Variants in NCKAP1 observed in about 807,000 individuals in gnomAD.
The protein encoded by NCKAP1 is nck-associated protein 1.
In NCKAP1, 21 loss-of-function variants were observed where a neutral mutation model predicts 151.2. That is an observed-to-expected ratio of 0.14 (90% CI 0.10 to 0.20). NCKAP1 has a LOEUF of 0.20. Ranked by LOEUF, NCKAP1 falls within the 10% of genes least tolerant of loss-of-function variation. The probability of loss-of-function intolerance (pLI) is 1.00; values close to 1 mark genes in which losing one functional copy is unlikely to be tolerated. For missense variants in NCKAP1, 933 were observed against 1,352.1 expected, an observed-to-expected ratio of 0.69 and a Z score of 4.86; for synonymous variants, 484 against 451.8, an observed-to-expected ratio of 1.07 and a Z score of -0.90.
In NCKAP1 at chr2:182,918,363, T is replaced by A. The variant is rs924398422; in HGVS notation, c.*7339A>T. ...GGTATCTACCCAAAGGAAGTCAATA[T>A]ATCAAAAAAAATCTGCATGTGTATA... On this transcript the variant is annotated 3_prime_UTR_variant, in exon 31 of 31. Coordinates refer to ENST00000361354, the MANE Select transcript of NCKAP1 (RefSeq NM_013436.5). 1 of 152,020 alleles carries A rather than the reference T, an allele frequency of 6.6e-6. No individual in the cohort carries two copies. The highest frequency in any genetic ancestry group is 1.5e-5 in the Non-Finnish European group (1 of 67,986). The allele number at this position is 152,020 out of a possible 1,614,324, so 9.4% of individuals were successfully genotyped here.
At chr2:182,956,429 C>T in intron 20 of NCKAP1, 33 bp downstream of exon 20, 3 of 1,594,412 alleles carry the variant, frequency 1.9e-6, no homozygotes, top group Non-Finnish European at 2.6e-6. Flanking sequence ...ATTACTGAGT[C>T]AACAAACAAA....
At position 182,953,124 on chromosome 2, in the gene NCKAP1, T is replaced by A. The variant is rs141353544; in HGVS notation, c.2361A>T (p.Leu787=). The A allele has an allele frequency of 9.3e-5, 150 of 1,608,726 alleles. No homozygotes were observed. The African/African-American group carries it at 1.8e-3, about 19-fold the overall frequency. ...AATGCATTCCTTACCAATTTGTGTATAGACTTGTAATGGTTGGCTCTCCAT... is the reference window on the plus strand; with the variant it reads ...AATGCATTCCTTACCAATTTGTGTAAAGACTTGTAATGGTTGGCTCTCCAT... The part of the protein sequence containing the change: ...DSHGEPTITS[L]YTNWYLETLL... The change falls in exon 21 of 31, where the codon CTA becomes CTT. Residue 787 remains leucine (L), a synonymous_variant. Transcript: ENST00000361354.
At chr2:182,950,309 AT>A (rs1377336696) in intron 23 of NCKAP1, among the ~76,000 whole-genome samples, 6 of 152,232 alleles carry the variant, frequency 3.9e-5, no homozygotes, top group Non-Finnish European at 2.9e-5. Context: ...AAAGCAAAAA[AT>A]AATACAGATA....
At chr2:182,940,018 T>C (rs1487923506) in intron 24 of NCKAP1, among the ~76,000 whole-genome samples, 2 of 152,210 alleles carry the variant, frequency 1.3e-5, no homozygotes, top group East Asian at 3.8e-4. Flanking sequence ...CGACTATGAA[T>C]TTTATTTTGA....
intron 18 of NCKAP1, among the ~76,000 whole-genome samples, chr2:182,958,262 C>T (rs927404037): frequency 6.6e-5 from 10 of 152,164 alleles, no homozygotes; most frequent in Non-Finnish European, 1.5e-4. Context: ...CCTCAGCCTC[C>T]TGAGCTGCTG....
In NCKAP1 at chr2:182,983,219, T is replaced by C; in HGVS notation, c.1101+67A>G. 4.7e-6 allele frequency: 6 copies of C among 1,284,456 alleles called. No individual in the cohort carries two copies. The East Asian group carries it at 1.4e-4, about 31-fold the overall frequency. The allele number at this position is 1,284,456 out of a possible 1,614,324, so 79.6% of individuals were successfully genotyped here. On this transcript the variant is annotated intron_variant, in intron 11 of 30. Transcript: ENST00000361354. ...CCCTGACTCAAATTTCAGTAAAATT[T>C]CACTTAGAAACGTTTTTTAAAATTT...
At chr2:182,984,566 T>TGTGTGTGTGTGTGTGTGTGTGTGTG (rs1324069144) in intron 10 of NCKAP1, among the ~76,000 whole-genome samples, 2 of 151,566 alleles carry the variant, frequency 1.3e-5, no homozygotes, top group Non-Finnish European at 1.5e-5. Context: ...CTACATGACC[T>TGTGTGTGTGTGTGTGTGTGTGTGTG]TAGGTTCCAA....
rs1246876801 is a variant in NCKAP1, at chr2:182,956,505, G to C, written c.2110C>G (p.Pro704Ala). The change falls in exon 20 of 31, where the codon CCA becomes GCA. Residue 704 changes from proline to alanine, a missense_variant. Physicochemically the swap from Pro to Ala is conservative, Grantham distance 27. This residue lies in a region of NCKAP1 where 326 missense variants were observed against 557.1 expected (regional missense o/e 0.59). Transcript: ENST00000361354. ...NMVVWEHTFT[P>A]REYLTSHLEI... ...AGATGAGAAGTCAAATATTCTCGTG[G>C]GGTAAAGGTATGTTCCCATACCACC... The C allele has an allele frequency of 6.2e-7, 1 of 1,611,146 alleles. No individual in the cohort carries two copies. Among genetic ancestry groups the C allele is most frequent in the Non-Finnish European group, 8.5e-7 (1 of 1,178,520 alleles).
At chr2:183,029,207 A>G (rs971075375) in intron 1 of NCKAP1, among the ~76,000 whole-genome samples, 1 of 152,212 alleles carries the variant, frequency 6.6e-6, no homozygotes, top group African/African-American at 2.4e-5. Flanking sequence ...ATCAGTAAAA[A>G]TGAAGGACAA....
At chr2:182,984,426 GT>G (rs1698008339) in intron 10 of NCKAP1, among the ~76,000 whole-genome samples, 573 of 4,844 alleles carry the variant, frequency 0.12, 3 homozygotes, top group African/African-American at 0.15. Context: ...AGATTGGGGT[GT>G]GTGTGTGTGT....
Position 182,913,819 on chromosome 2 carries a change from TC to T in NCKAP1, c.*11882del, listed in dbSNP as rs1272464572. On this transcript the variant is annotated 3_prime_UTR_variant, in exon 31 of 31. Coordinates refer to ENST00000361354, the MANE Select transcript of NCKAP1 (RefSeq NM_013436.5). ...GCTTCTCTGTCTGCATCTGCCTCAT[TC>T]TTTTTTCCTGATCAGCACTCTGATG... 1.3e-5 allele frequency: 2 copies of T among 152,340 alleles called. No homozygotes were observed. The highest frequency in any genetic ancestry group is 4.8e-5 in the African/African-American group (2 of 41,440). 9.4% of individuals were successfully genotyped at this position (152,340 alleles called of 1,614,324 possible). A position where few individuals can be genotyped will look rare whatever the true frequency, so the allele number is the denominator to read the frequency against.
At chr2:182,937,330 T>C (rs1487259053) in intron 24 of NCKAP1, among the ~76,000 whole-genome samples, 1 of 152,054 alleles carries the variant, frequency 6.6e-6, no homozygotes, top group African/African-American at 2.4e-5. Context: ...GCTTAATGTA[T>C]TGTGTAATGG....
chr2:182,934,601 C>T, intron 26 of NCKAP1, 151 bp downstream of exon 26: 2 of 542,544 alleles, frequency 3.7e-6, no homozygotes, highest in Non-Finnish European at 6.5e-6. Context: ...GCTGAGCTCT[C>T]AAAGATTCAA....
rs1271261011 is a variant in NCKAP1 at position 182,917,034 on chromosome 2, A to G, written c.*8668T>C. 6.6e-6 allele frequency: 1 copy of G among 152,212 alleles called. No individual in the cohort carries two copies. The highest frequency in any genetic ancestry group is 1.5e-5 in the Non-Finnish European group (1 of 68,036). The allele number at this position is 152,212 out of a possible 1,614,324, so 9.4% of individuals were successfully genotyped here. On this transcript the variant is annotated 3_prime_UTR_variant, in exon 31 of 31. Coordinates refer to ENST00000361354, the MANE Select transcript of NCKAP1 (RefSeq NM_013436.5). ...TATAAGTGAAACCAAATAGCCTAAT[A>G]ATACTGGAGAAACTACCACCATTTA... is the stretch of plus-strand genomic sequence containing the variant.
Position 183,038,105 on chromosome 2 carries a change from TGCTGGTGCCGCCGCCGCCGCCGGCCGCC to T in NCKAP1, c.-34_-7del, listed in dbSNP as rs1699142035. 6.5e-7 allele frequency: 1 copy of T among 1,549,870 alleles called. No homozygotes were observed. The highest frequency in any genetic ancestry group is 1.4e-5 in the African/African-American group (1 of 70,458). ...TGCAGCACTGAGCGCGACATGGTGG[TGCTGGTGCCGCCGCCGCCGCCGGCCGCC>T]TCGCGCCCAGTCACGGGCCCGCGGC... On this transcript the variant is annotated 5_prime_UTR_variant, in exon 1 of 31. Coordinates refer to ENST00000361354, the MANE Select transcript of NCKAP1 (RefSeq NM_013436.5).
intron 13 of NCKAP1, among the ~76,000 whole-genome samples, chr2:182,980,281 C>T (rs1354575876): frequency 6.3e-4 from 95 of 151,820 alleles, no homozygotes; most frequent in Non-Finnish European, 1.0e-4. Context: ...AGAATACTAG[C>T]TTGTAACAGC....
At chr2:182,930,875 A>T (rs1309890627) in intron 26 of NCKAP1, 87 bp from the exon 27 acceptor site, 1 of 1,148,684 alleles carries the variant, frequency 8.7e-7, no homozygotes, top group African/African-American at 1.6e-5. Flanking sequence ...TGCCTAGAAG[A>T]ACACCAGAGA....
At chr2:183,036,245 C>T (rs1336323500) in intron 1 of NCKAP1, among the ~76,000 whole-genome samples, 2 of 152,116 alleles carry the variant, frequency 1.3e-5, no homozygotes, top group African/African-American at 4.8e-5. Context: ...TGCATTTATC[C>T]TACAAAAATG....
intron 6 of NCKAP1, among the ~76,000 whole-genome samples, chr2:182,997,365 T>TA (rs750164293): frequency 1.3e-5 from 2 of 152,222 alleles, no homozygotes; most frequent in Non-Finnish European, 2.9e-5. Flanking sequence ...GAGCTATTTT[T>TA]ATCATCGTTT....
Sources: gnomAD v4.1 joint callset for allele counts (sites outside exome capture counted in the v4.1 genomes callset) on GRCh38, gnomAD v4.1.1 for gene constraint, gnomAD v4.1.1 regional missense constraint, MANE v1.5 for transcripts, NCBI Gene and HGNC (gene_info 2026-07-23, HGNC 2026-07-21) for gene names.